LAMA5: variants seen among roughly 807,000 people sequenced by gnomAD.
LAMA5 encodes laminin subunit alpha-5.
LAMA5 carries 260 observed loss-of-function variants against 433.4 expected under a neutral mutation model. The ratio of observed to expected loss-of-function variants is 0.60; its 90% confidence interval spans 0.54 to 0.66. The LOEUF is 0.66. Among genes scored for constraint, LAMA5 ranks in the 30% least tolerant of loss-of-function variants. The pLI is 0.00. For synonymous variants in LAMA5, 2,620 were observed against 2,226.6 expected, an observed-to-expected ratio of 1.18 and a Z score of -4.97; for missense variants, 5,378 against 5,258.5, an observed-to-expected ratio of 1.02 and a Z score of -0.70.
intron 1 of LAMA5, among the ~76,000 whole-genome samples, chr20:62,364,176 C>T (rs576251688): frequency 2.1e-4 from 32 of 152,320 alleles, no homozygotes; most frequent in African/African-American, 7.2e-4. Flanking sequence ...ACCCGCAGGC[C>T]GCACTGCAAG....
At chr20:62,345,453 C>T in intron 11 of LAMA5, 2 of 359,366 alleles carry the variant, frequency 5.6e-6, no homozygotes. Context: ...GTTGCCCAGG[C>T]TGGAGTGCTG....
intron 51 of LAMA5, 30 bp from the exon 52 acceptor site, chr20:62,319,043 G>T: frequency 6.6e-7 from 1 of 1,513,350 alleles, no homozygotes; most frequent in South Asian, 1.3e-5. Flanking sequence ...CAGAGCCTGG[G>T]GCCGCCCGTA....
Position 62,334,419 on chromosome 20 carries a change from G to A in LAMA5, c.2583-77C>T, listed in dbSNP as rs1981149497. On this transcript the variant is annotated intron_variant, in intron 21 of 79. Coordinates refer to ENST00000252999, the MANE Select transcript of LAMA5 (RefSeq NM_005560.6). ...TGCACAGCGGCCCCGGGTCTCCAGGGAGGGTGAGGCCTCACGTGGGCCCAT... is the reference window on the plus strand; with the variant it reads ...TGCACAGCGGCCCCGGGTCTCCAGGAAGGGTGAGGCCTCACGTGGGCCCAT... 4 of 1,516,738 alleles carry A rather than the reference G, an allele frequency of 2.6e-6. No individual in the cohort carries two copies. In the Admixed American group the frequency reaches 6.1e-5, roughly 23 times the overall value. The allele number at this position is 1,516,738 out of a possible 1,614,324, so 94.0% of individuals were successfully genotyped here.
At chr20:62,327,778 GC>G (rs1316713429) in intron 36 of LAMA5, 87 bp downstream of exon 36, 2 of 1,570,786 alleles carry the variant, frequency 1.3e-6, no homozygotes, top group Non-Finnish European at 1.7e-6. Flanking sequence ...CTTCTAGGAA[GC>G]CCCAGCTGCC....
intron 17 of LAMA5, 32 bp downstream of exon 17, chr20:62,336,702 C>T (rs1249038252): frequency 5.0e-6 from 8 of 1,611,812 alleles, no homozygotes; most frequent in Non-Finnish European, 6.8e-6. Flanking sequence ...GGTCCTCACC[C>T]ATCTCCCACA....
intron 31 of LAMA5, 92 bp downstream of exon 31, chr20:62,330,396 C>T (rs1374511034): frequency 1.4e-6 from 2 of 1,422,612 alleles, no homozygotes; most frequent in Non-Finnish European, 1.9e-6. Flanking sequence ...TTGCCTGTCG[C>T]TCATAGCAGG....
Position 62,330,563 on chromosome 20 carries a change from G to A in LAMA5, c.3904C>T (p.Leu1302=). Reference sequence around the variant, plus strand: ...TGGGCTGGCTGGTAGCCGTGCAGCAGGAAGGCATAGCGGCCCAGCGTGGGC... The same window carrying A: ...TGGGCTGGCTGGTAGCCGTGCAGCAAGAAGGCATAGCGGCCCAGCGTGGGC... ...HVPTLGRYAF[L]LHGYQPAHPT... is the part of the protein sequence containing the mutation. The change falls in exon 31 of 80, where the codon CTG becomes TTG. Residue 1302 remains leucine, a synonymous_variant. Transcript: ENST00000252999. 1.3e-6 allele frequency: 2 copies of A among 1,592,280 alleles called. No individual in the cohort carries two copies. The highest frequency in any genetic ancestry group is 1.3e-5 in the African/African-American group (1 of 74,936).
At chr20:62,352,941 T>C (rs1204117047) in intron 3 of LAMA5, 193 bp downstream of exon 3, 6 of 526,564 alleles carry the variant, frequency 1.1e-5, no homozygotes, top group Non-Finnish European at 1.7e-5. Context: ...TGGACTTGGC[T>C]GTGCCCGACG....
At chr20:62,357,941 C>G (rs558284931) in intron 2 of LAMA5, among the ~76,000 whole-genome samples, 16 of 152,358 alleles carry the variant, frequency 1.1e-4, no homozygotes, top group African/African-American at 3.6e-4. Context: ...AGATGGTCAG[C>G]CGGGGACACA....
rs1411257021 is a variant in LAMA5 at position 62,329,049 on chromosome 20, G to T, written c.4242C>A (p.Ser1414Arg). 2 of 1,612,740 alleles carry T rather than the reference G, an allele frequency of 1.2e-6. No homozygotes were observed. The highest frequency in any genetic ancestry group is 3.3e-5 in the Admixed American group (2 of 59,984). Residue 1414 changes from serine (S) to arginine (R), a missense_variant, in exon 34 of 80, where the codon AGC becomes AGA. Physicochemically the swap from Ser to Arg is moderately radical, Grantham distance 110. Transcript: ENST00000252999. ...CAAQGYHISP[S>R]SSSLFCRNAA... ...CGTTTCGGCAGAACAGGGATGAGCTGCTGGGGCTACATGGAGGGGCACGTG... is the reference window on the plus strand; with the variant it reads ...CGTTTCGGCAGAACAGGGATGAGCTTCTGGGGCTACATGGAGGGGCACGTG...
At chr20:62,362,649 A>G (rs528868463) in intron 1 of LAMA5, 97 bp from the exon 2 acceptor site, 26 of 1,152,738 alleles carry the variant, frequency 2.3e-5, no homozygotes, top group South Asian at 1.2e-4. Flanking sequence ...TCCTGGTCCC[A>G]CTGAGCTGGT....
chr20:62,316,781 T>C lies in LAMA5; in HGVS notation c.7654-8A>G. The C allele has an allele frequency of 6.3e-7, 1 of 1,597,202 alleles. No homozygotes were observed. Reference sequence around the variant, plus strand: ...GCCCTGCCGCACCACCGTCTGTGGATGCCAGGGCAGACCGTGGCTCAGACA... The same window carrying C: ...GCCCTGCCGCACCACCGTCTGTGGACGCCAGGGCAGACCGTGGCTCAGACA... On this transcript the variant is annotated splice_polypyrimidine_tract_variant and splice_region_variant and intron_variant, in intron 56 of 79. Transcript: ENST00000252999.
chr20:62,340,481 T>C (rs1410926827), intron 11 of LAMA5, among the ~76,000 whole-genome samples: 1 of 151,548 alleles, frequency 6.6e-6, no homozygotes, highest in East Asian at 2.0e-4. Context: ...ACAGCTTATT[T>C]TGTATTTTTA....
rs752085639 is a variant in LAMA5, at chr20:62,313,637, G to A, written c.8658+12C>T. 2.6e-5 allele frequency: 42 copies of A among 1,611,992 alleles called. No individual in the cohort carries two copies. Among genetic ancestry groups the A allele is most frequent in the African/African-American group, 2.0e-4 (15 of 74,928 alleles). Reference sequence around the variant, plus strand: ...AGCCCCTCCCAGGCTGCCCCAGGCCGGGCGGGCTCACCGTGAAGGTACTGG... The same window carrying A: ...AGCCCCTCCCAGGCTGCCCCAGGCCAGGCGGGCTCACCGTGAAGGTACTGG... On this transcript the variant is annotated intron_variant, in intron 63 of 79. Transcript: ENST00000252999.
chr20:62,340,319 T>G (rs931541284), intron 11 of LAMA5, among the ~76,000 whole-genome samples: 4 of 145,830 alleles, frequency 2.7e-5, no homozygotes, highest in African/African-American at 5.0e-5. Flanking sequence ...TTTTTTTTTT[T>G]TTTTTTTTTG....
Position 62,367,110 on chromosome 20 carries a change from G to A in LAMA5, c.136C>T (p.His46Tyr). The change falls in exon 1 of 80, where the codon CAC (histidine) becomes TAC (tyrosine). Residue 46 changes from histidine to tyrosine, a missense_variant. Transcript: ENST00000252999. ...REEAGGGFSL[H>Y]PPYFNLAEGA... ...TCGGCCAGGTTGAAGTAGGGCGGGT[G>A]CAGGCTGAAGCCGCCGCCCGCCTCC... 1 of 1,276,788 alleles carries A rather than the reference G, an allele frequency of 7.8e-7. No individual in the cohort carries two copies. The highest frequency in any genetic ancestry group is 1.5e-5 in the African/African-American group (1 of 64,808). The allele number at this position is 1,276,788 out of a possible 1,614,324, so 79.1% of individuals were successfully genotyped here.
intron 18 of LAMA5, among the ~76,000 whole-genome samples, chr20:62,336,042 A>G (rs1981560258): frequency 7.3e-6 from 1 of 136,142 alleles, no homozygotes; most frequent in East Asian, 2.3e-4. Flanking sequence ...CTATACCCCA[A>G]TACTCCCTTT....
In LAMA5 at chr20:62,317,329, T is replaced by C. The variant is rs1329030750; in HGVS notation, c.7511+16A>G. ...CCCAGGGTGGGCCCAGGGCCCCTCC[T>C]CTCCTGGCCACCCACCTGGACAGAT... On this transcript the variant is annotated intron_variant, in intron 55 of 79. Coordinates refer to ENST00000252999, the MANE Select transcript of LAMA5 (RefSeq NM_005560.6). 6.3e-7 allele frequency: 1 copy of C among 1,596,578 alleles called. No individual in the cohort carries two copies. Among genetic ancestry groups the C allele is most frequent in the Admixed American group, 1.7e-5 (1 of 58,458 alleles).
Position 62,314,396 on chromosome 20 carries a change from C to A in LAMA5, c.8412G>T (p.Val2804=). ...CCTCACCCAGCTGATACACCCAGTG[C>A]ACCTTCTTGTCACGCAGAGACACAC... ...YMGVSLRDKK[V]HWVYQLGEAG... Residue 2804 remains valine, a synonymous_variant, in exon 62 of 80, where the codon GTG becomes GTT. Coordinates refer to ENST00000252999, the MANE Select transcript of LAMA5 (RefSeq NM_005560.6). The A allele has an allele frequency of 6.2e-7, 1 of 1,613,494 alleles. No individual in the cohort carries two copies. Among genetic ancestry groups the A allele is most frequent in the South Asian group, 1.1e-5 (1 of 91,086 alleles).
Sources: gnomAD v4.1 joint callset for allele counts (sites outside exome capture counted in the v4.1 genomes callset) on GRCh38, gnomAD v4.1.1 for gene constraint, MANE v1.5 for transcripts, NCBI Gene and HGNC (gene_info 2026-07-23, HGNC 2026-07-21) for gene names.